The following RBMS3 variants were observed in gnomAD, a reference collection of about 807,000 sequenced individuals.
The protein encoded by RBMS3 is RNA-binding motif, single-stranded-interacting protein 3.
A neutral mutation model predicts 66.8 loss-of-function variants in RBMS3; 27 were observed. That is an observed-to-expected ratio of 0.40 (90% CI 0.30 to 0.56). The LOEUF is 0.56. Ranked by LOEUF, RBMS3 falls within the 20% of genes least tolerant of loss-of-function variation. RBMS3 has a pLI of 0.40. For missense variants in RBMS3, 513 were observed against 549.5 expected (o/e 0.93, Z 0.66); for synonymous variants, 188 against 183.0 (o/e 1.03, Z -0.22).
In RBMS3 at chr3:29,711,224, G is replaced by A. The variant is rs183147184; in HGVS notation, c.400-28496G>A. On this transcript the variant is annotated intron_variant, in intron 4 of 14. Transcript: ENST00000383767. Reference sequence around the variant, plus strand: ...TGTCATTGTGATCCCTCTCTCAAAAGGTCTTATTGTACTGTACCTTAGGTA... The same window carrying A: ...TGTCATTGTGATCCCTCTCTCAAAAAGTCTTATTGTACTGTACCTTAGGTA... 4.6e-5 allele frequency among the ~76,000 whole-genome samples: 7 copies of A among 152,232 alleles called. No individual in the cohort carries two copies. The East Asian group carries it at 1.4e-3, about 29-fold the overall frequency.
chr3:29,535,710 CT>C (rs149022808), intron 3 of RBMS3, among the ~76,000 whole-genome samples: 2,538 of 38,688 alleles, frequency 0.066, 2 homozygotes, highest in East Asian at 0.11. Flanking sequence ...GATCATTGCT[CT>C]TTTTTTTTTT....
rs1699809101 is a variant in RBMS3 at position 30,006,610 on chromosome 3, A to G, written c.*2748A>G. 6.6e-6 allele frequency: 1 copy of G among 151,920 alleles called. No individual in the cohort carries two copies. The highest frequency in any genetic ancestry group is 2.4e-5 in the African/African-American group (1 of 41,424). The allele number at this position is 151,920 out of a possible 1,614,324, so 9.4% of individuals were successfully genotyped here. ...TTTTTTGGGGTACAAAAAGACATGT[A>G]TGAGAACCATATTTTCTGTTTCTCT... On this transcript the variant is annotated 3_prime_UTR_variant, in exon 15 of 15. Transcript: ENST00000383767.
chr3:29,312,345 C>T (rs567569311), intron 1 of RBMS3, among the ~76,000 whole-genome samples: 54 of 151,762 alleles, frequency 3.6e-4, no homozygotes, highest in African/African-American at 1.0e-3. Flanking sequence ...TTGAAGAATA[C>T]GTGCTCTGTT....
intron 4 of RBMS3, among the ~76,000 whole-genome samples, chr3:29,657,110 C>T (rs2050353329): frequency 6.6e-6 from 1 of 152,206 alleles, no homozygotes; most frequent in South Asian, 2.1e-4. Flanking sequence ...CATTTCCACA[C>T]ACAGGAGGCT....
chr3:29,780,908 A>T (rs2056607837), intron 6 of RBMS3, among the ~76,000 whole-genome samples: 1 of 152,104 alleles, frequency 6.6e-6, no homozygotes, highest in South Asian at 2.1e-4. Flanking sequence ...TTTTTCCAAA[A>T]TATAAAGATA....
chr3:29,998,692 C>T (rs1189354089), intron 14 of RBMS3, among the ~76,000 whole-genome samples: 1 of 152,066 alleles, frequency 6.6e-6, no homozygotes, highest in East Asian at 1.9e-4. Flanking sequence ...ATAAATGGTG[C>T]TGGGAAAACT....
chr3:29,558,266 G>T (rs2046426894), intron 3 of RBMS3, among the ~76,000 whole-genome samples: 1 of 151,940 alleles, frequency 6.6e-6, no homozygotes, highest in Non-Finnish European at 1.5e-5. Context: ...AAAGAAACTA[G>T]ATTAACTGGA....
chr3:29,677,736 C>CT (rs1198552785), intron 4 of RBMS3, among the ~76,000 whole-genome samples: 2 of 151,856 alleles, frequency 1.3e-5, no homozygotes, highest in East Asian at 1.9e-4. Flanking sequence ...AAAATAGGCC[C>CT]TTTTTTCCAC....
At chr3:29,468,153 GTTGCTTTTATACATT>G (rs1446123794) in intron 2 of RBMS3, among the ~76,000 whole-genome samples, 1 of 152,092 alleles carries the variant, frequency 6.6e-6, no homozygotes. Flanking sequence ...CATAAATTTG[GTTGCTTTTATACATT>G]TTATGGTTTT....
At chr3:29,393,315 A>G (rs11718773) in intron 1 of RBMS3, among the ~76,000 whole-genome samples, 18,644 of 152,208 alleles carry the variant, frequency 0.12, 1,617 homozygotes, top group Admixed American at 0.28. Flanking sequence ...AATACAGCAT[A>G]ATGTATTAAA....
At chr3:29,527,770 T>G (rs1576125232) in intron 3 of RBMS3, among the ~76,000 whole-genome samples, 1 of 151,934 alleles carries the variant, frequency 6.6e-6, no homozygotes, top group East Asian at 1.9e-4. Flanking sequence ...ATTAGGTATA[T>G]CTCATAATGC....
chr3:29,306,354 A>T (rs1288751126), intron 1 of RBMS3, among the ~76,000 whole-genome samples: 2 of 151,924 alleles, frequency 1.3e-5, no homozygotes, highest in Admixed American at 1.3e-4. Flanking sequence ...CAAAGAGACT[A>T]TTGGCTTCTT....
At chr3:29,566,070 A>G (rs926719795) in intron 3 of RBMS3, among the ~76,000 whole-genome samples, 1 of 152,224 alleles carries the variant, frequency 6.6e-6, no homozygotes, top group African/African-American at 2.4e-5. Context: ...TTGCTCATTC[A>G]TTCACTTACT....
At chr3:29,560,797 T>C (rs895024574) in intron 3 of RBMS3, among the ~76,000 whole-genome samples, 3 of 152,214 alleles carry the variant, frequency 2.0e-5, no homozygotes, top group Non-Finnish European at 4.4e-5. Context: ...TAGGTAAACT[T>C]GTGTCATGGG....
intron 2 of RBMS3, among the ~76,000 whole-genome samples, chr3:29,459,601 G>A (rs1246630816): frequency 1.3e-5 from 2 of 152,072 alleles, no homozygotes; most frequent in South Asian, 2.1e-4. Flanking sequence ...TCATCAGCTC[G>A]TTTAAGCCTC....
intron 1 of RBMS3, among the ~76,000 whole-genome samples, chr3:29,420,950 A>C (rs1472441629): frequency 5.3e-4 from 74 of 140,434 alleles, no homozygotes; most frequent in African/African-American, 1.8e-3. Context: ...TAAAAATGAA[A>C]AAAAAAAAAA....
intron 6 of RBMS3, among the ~76,000 whole-genome samples, chr3:29,802,361 G>A (rs2057416999): frequency 6.6e-6 from 1 of 152,148 alleles, no homozygotes; most frequent in African/African-American, 2.4e-5. Flanking sequence ...GAACAGCAAA[G>A]TTGACCTTTA....
At chr3:29,876,377 TA>T (rs763356234) in intron 7 of RBMS3, among the ~76,000 whole-genome samples, 8 of 150,762 alleles carry the variant, frequency 5.3e-5, no homozygotes, top group South Asian at 2.1e-4. Context: ...ACTAACAAAA[TA>T]GGAAAAAAAA....
intron 10 of RBMS3, among the ~76,000 whole-genome samples, chr3:29,929,633 C>T (rs2061054862): frequency 6.6e-6 from 1 of 151,692 alleles, no homozygotes; most frequent in African/African-American, 2.4e-5. Context: ...AATCAAAAAT[C>T]AACTTGAAAT....
Sources: allele counts gnomAD v4.1 joint callset (sites outside exome capture counted in the v4.1 genomes callset), GRCh38; gene constraint gnomAD v4.1.1; transcripts MANE v1.5; gene names NCBI Gene and HGNC (gene_info 2026-07-23, HGNC 2026-07-21).